Variants in MFAP3L observed in about 807,000 individuals in gnomAD.
MFAP3L encodes the protein microfibrillar-associated protein 3-like.
Under a neutral mutation model 20.0 loss-of-function variants are expected in MFAP3L, and 5 were observed. The observed-to-expected ratio is 0.25, with a 90% CI of 0.13 to 0.53. The LOEUF is 0.53. MFAP3L is among the 20% of genes least tolerant of loss of function. MFAP3L has a pLI of 0.96. For synonymous variants in MFAP3L, 219 were observed against 213.0 expected (o/e 1.03, Z -0.25); for missense variants, 409 against 527.5 (o/e 0.78, Z 2.20).
At chr4:170,019,702 T>A (rs1377503647) in intron 1 of MFAP3L, among the ~76,000 whole-genome samples, 1 of 152,172 alleles carries the variant, frequency 6.6e-6, no homozygotes, top group African/African-American at 2.4e-5. Flanking sequence ...AGCACTTTAT[T>A]CTAACCCATT....
intron 1 of MFAP3L, among the ~76,000 whole-genome samples, chr4:170,021,458 ATC>A (rs1323637038): frequency 6.6e-6 from 1 of 152,250 alleles, no homozygotes; most frequent in Non-Finnish European, 1.5e-5. Flanking sequence ...TAAAAATCTT[ATC>A]AAGTCATACA....
At chr4:170,026,985 G>A (rs1277532468), upstream of MFAP3L, 1 of 152,198 alleles carries the variant, frequency 6.6e-6, no homozygotes, top group African/African-American at 2.4e-5. Context: ...ACAGATGGAA[G>A]AGTCTGGAAA....
intron 1 of MFAP3L, among the ~76,000 whole-genome samples, chr4:170,024,498 G>A (rs980375506): frequency 6.6e-6 from 1 of 152,182 alleles, no homozygotes; most frequent in Non-Finnish European, 1.5e-5. Flanking sequence ...AGTACTTCAT[G>A]AAAGATTTTA....
At chr4:170,021,944 T>C (rs958239159) in intron 1 of MFAP3L, among the ~76,000 whole-genome samples, 7 of 152,168 alleles carry the variant, frequency 4.6e-5, no homozygotes, top group African/African-American at 9.7e-5. Flanking sequence ...GCCCATGACA[T>C]TGCAAGCAGC....
chr4:170,025,154 TTC>T (rs1216197929), intron 1 of MFAP3L, among the ~76,000 whole-genome samples: 1 of 152,214 alleles, frequency 6.6e-6, no homozygotes, highest in African/African-American at 2.4e-5. Flanking sequence ...AAATTGCACT[TTC>T]TGTGTAAGTA....
At chr4:169,998,028 T>TA (rs112354274) in intron 2 of MFAP3L, among the ~76,000 whole-genome samples, 2,067 of 152,130 alleles carry the variant, frequency 0.014, 55 homozygotes, top group African/African-American at 0.047. Flanking sequence ...GTAATAATAA[T>TA]AAAAAAAATC....
chr4:169,999,315 G>T, intron 2 of MFAP3L, among the ~76,000 whole-genome samples: 1 of 152,152 alleles, frequency 6.6e-6, no homozygotes, highest in East Asian at 1.9e-4. Context: ...CAGGAAGGTG[G>T]GGATGGAAGG....
chr4:169,994,942 T>A (rs1347511717), intron 2 of MFAP3L: 1 of 152,256 alleles, frequency 6.6e-6, no homozygotes, highest in Non-Finnish European at 1.5e-5. Flanking sequence ...GTGCATATAT[T>A]ATAATCCTAA....
At chr4:170,016,200 T>G (rs1412123908) in intron 1 of MFAP3L, among the ~76,000 whole-genome samples, 1 of 152,184 alleles carries the variant, frequency 6.6e-6, no homozygotes, top group South Asian at 2.1e-4. Flanking sequence ...ATTATTATAA[T>G]GTACATTTTT....
chr4:170,007,043 T>A (rs6825939), intron 1 of MFAP3L: 13 of 152,214 alleles, frequency 8.5e-5, no homozygotes, highest in Admixed American at 2.0e-4. Context: ...TCATTCTAAT[T>A]CTATAGCCAT....
chr4:170,018,459 T>A (rs1159576626), intron 1 of MFAP3L, among the ~76,000 whole-genome samples: 1 of 152,088 alleles, frequency 6.6e-6, no homozygotes, highest in Non-Finnish European at 1.5e-5. Context: ...GAACATTTGA[T>A]CCACTACTTA....
chr4:169,991,232 C>A lies in MFAP3L; in HGVS notation c.*146G>T. On this transcript the variant is annotated 3_prime_UTR_variant, in exon 3 of 3. Transcript: ENST00000361618. The surrounding 1 kb of genome is among the most constrained non-coding windows in gnomAD (Gnocchi z 4.9). ...AAATTCCAGTCCCATTCACTGCAGGCAGGTGTTTCTCCTTTTAAAGTGGCA... is the reference window on the plus strand; with the variant it reads ...AAATTCCAGTCCCATTCACTGCAGGAAGGTGTTTCTCCTTTTAAAGTGGCA... 3.8e-6 allele frequency: 3 copies of A among 799,240 alleles called. No homozygotes were observed. In the East Asian group the frequency reaches 7.8e-5, roughly 21 times the overall value. 49.5% of individuals were successfully genotyped at this position (799,240 alleles called of 1,614,324 possible). A position where few individuals can be genotyped will look rare whatever the true frequency, so the allele number is the denominator to read the frequency against.
At chr4:170,023,347 A>G (rs538601647) in intron 1 of MFAP3L, among the ~76,000 whole-genome samples, 7 of 152,336 alleles carry the variant, frequency 4.6e-5, no homozygotes, top group Middle Eastern at 3.4e-3. Flanking sequence ...AAAAAATGTG[A>G]TATTTTAATG....
At position 169,993,223 on chromosome 4, in the gene MFAP3L, G is replaced by A. The variant is rs1010633139; in HGVS notation, c.299-914C>T. ...ACCCCTGTGAAACATGATACTAGAC[G>A]TGGCTTCAGGGTGTTAGGTCTGAGC... is the stretch of plus-strand genomic sequence containing the variant. On this transcript the variant is annotated intron_variant, in intron 2 of 2. Coordinates refer to ENST00000361618, the MANE Select transcript of MFAP3L (RefSeq NM_021647.8). Among the ~76,000 whole-genome samples, 9 of 152,130 alleles carry A rather than the reference G, an allele frequency of 5.9e-5. No homozygotes were observed. The South Asian group carries it at 8.3e-4, about 14-fold the overall frequency.
rs762370273 is a variant in MFAP3L, at chr4:169,992,197, C to A, written c.411G>T (p.Thr137=). The A allele has an allele frequency of 8.1e-6, 13 of 1,613,938 alleles. No individual in the cohort carries two copies. The highest frequency in any genetic ancestry group is 1.1e-5 in the Non-Finnish European group (13 of 1,180,014). ...AAGTGAAGATGACGCGCAAGGTCAC[C>A]GTGTTGTTCACGGTGCCGTAGATGT... ...ASNIYGTVNN[T]VTLRVIFTSG... Residue 137 remains threonine (T), a synonymous_variant, in exon 3 of 3, where the codon ACG becomes ACT. Transcript: ENST00000361618. This position sits in a 1 kb window ranked among gnomAD's most constrained non-coding sequence, Gnocchi z 4.3.
intron 2 of MFAP3L, chr4:169,993,727 CA>C (rs1424668423): frequency 6.6e-6 from 1 of 152,116 alleles, no homozygotes; most frequent in East Asian, 1.9e-4. Context: ...GATGCTGTCA[CA>C]TGACTGTGCC....
chr4:169,995,901 G>T (rs138827999), intron 2 of MFAP3L, among the ~76,000 whole-genome samples: 3 of 152,056 alleles, frequency 2.0e-5, no homozygotes, highest in Non-Finnish European at 2.9e-5. Flanking sequence ...AAACAACATA[G>T]GCAGCCATCT....
Position 170,008,163 on chromosome 4 carries a change from G to A in MFAP3L, c.-133-2153C>T, listed in dbSNP as rs139380531. On this transcript the variant is annotated intron_variant, in intron 1 of 2. Coordinates refer to ENST00000361618, the MANE Select transcript of MFAP3L (RefSeq NM_021647.8). Reference sequence around the variant, plus strand: ...AATCTAGTTCCGTTAGAGACCTTACGAGATACAGAAGCAGAGACTTTCGTT... The same window carrying A: ...AATCTAGTTCCGTTAGAGACCTTACAAGATACAGAAGCAGAGACTTTCGTT... Among the ~76,000 whole-genome samples the A allele has an allele frequency of 7.9e-5, 12 of 152,196 alleles. No individual in the cohort carries two copies. In the East Asian group the frequency reaches 1.4e-3, roughly 17 times the overall value.
upstream of MFAP3L, among the ~76,000 whole-genome samples, chr4:170,026,657 C>T (rs1465234184): frequency 6.6e-6 from 1 of 151,278 alleles, no homozygotes; most frequent in Non-Finnish European, 1.5e-5. Flanking sequence ...GCCTCGGCGG[C>T]CCCCAGAGCC....
Sources: allele counts gnomAD v4.1 joint callset (sites outside exome capture counted in the v4.1 genomes callset), GRCh38; gene constraint gnomAD v4.1.1; non-coding constraint Gnocchi (gnomAD v3.1); transcripts MANE v1.5; gene names NCBI Gene and HGNC (gene_info 2026-07-23, HGNC 2026-07-21).